BMPR1B: variants seen among roughly 807,000 people sequenced by gnomAD.
BMPR1B encodes bone morphogenetic protein receptor type-1B.
A neutral mutation model predicts 59.1 loss-of-function variants in BMPR1B; 12 were observed. The ratio of observed to expected loss-of-function variants is 0.20; its 90% CI spans 0.13 to 0.33. The LOEUF is 0.33. Among genes scored for constraint, BMPR1B ranks in the 10% least tolerant of loss-of-function variants. The pLI is 1.00. For synonymous variants in BMPR1B, 237 were observed against 207.3 expected (o/e 1.14, Z -1.23); for missense variants, 550 against 610.9 (o/e 0.90, Z 1.05).
intron 1 of BMPR1B, among the ~76,000 whole-genome samples, chr4:94,857,454 C>G (rs1725803508): frequency 6.6e-6 from 1 of 152,096 alleles, no homozygotes; most frequent in Admixed American, 6.6e-5. Context: ...TGGAAAAAAT[C>G]TAGTGGACTA....
At position 95,092,214 on chromosome 4, in the gene BMPR1B, T is replaced by C. The variant is rs958959636; in HGVS notation, c.-17-12194T>C. 4.6e-5 allele frequency among the ~76,000 whole-genome samples: 7 copies of C among 152,138 alleles called. No homozygotes were observed. In the East Asian group the frequency reaches 1.3e-3, roughly 29 times the overall value. ...TATAGTTGCTAAGATATTTATTTTTTACCAGGAAGGATATAAATTGTTTTG... is the reference window on the plus strand; with the variant it reads ...TATAGTTGCTAAGATATTTATTTTTCACCAGGAAGGATATAAATTGTTTTG... On this transcript the variant is annotated intron_variant, in intron 3 of 12. Coordinates refer to ENST00000515059, the MANE Select transcript of BMPR1B (RefSeq NM_001203.3).
intron 3 of BMPR1B, among the ~76,000 whole-genome samples, chr4:95,035,833 G>A (rs1282526117): frequency 6.6e-6 from 1 of 151,954 alleles, no homozygotes; most frequent in Non-Finnish European, 1.5e-5. Context: ...GATGATATTT[G>A]GATGGGAATT....
intron 1 of BMPR1B, among the ~76,000 whole-genome samples, chr4:94,762,535 G>T (rs1355964096): frequency 6.6e-6 from 1 of 152,174 alleles, no homozygotes; most frequent in Non-Finnish European, 1.5e-5. Flanking sequence ...CACTGGCCAG[G>T]GAGGCTGGAC....
At chr4:94,956,866 C>G (rs1031597108) in intron 2 of BMPR1B, among the ~76,000 whole-genome samples, 6 of 151,754 alleles carry the variant, frequency 4.0e-5, no homozygotes, top group African/African-American at 1.5e-4. Flanking sequence ...ACATCTTTTT[C>G]TAATGGGCTT....
intron 10 of BMPR1B, among the ~76,000 whole-genome samples, chr4:95,136,166 C>T (rs1483681170): frequency 1.3e-5 from 2 of 151,830 alleles, no homozygotes; most frequent in African/African-American, 2.4e-5. Context: ...AGCCTACCAA[C>T]CAAAAAAAGT....
At chr4:94,985,133 G>A (rs1560580350) in intron 2 of BMPR1B, among the ~76,000 whole-genome samples, 1 of 152,084 alleles carries the variant, frequency 6.6e-6, no homozygotes, top group African/African-American at 2.4e-5. Flanking sequence ...ACAGGGCAAG[G>A]TCAAGGTGGT....
At chr4:95,134,937 A>T (rs1273385192) in intron 10 of BMPR1B, among the ~76,000 whole-genome samples, 2 of 152,144 alleles carry the variant, frequency 1.3e-5, no homozygotes, top group Non-Finnish European at 2.9e-5. Flanking sequence ...GTCCTTGCCC[A>T]TGCCTGTGTC....
rs556518509 is a variant in BMPR1B, at chr4:94,768,428, A to T, written c.-183+10360A>T. ...CAATCCGACTATCAGAATTGCAGCGATTTTCCCCCTAAATCCTAACAATAT... is the reference window on the plus strand; with the variant it reads ...CAATCCGACTATCAGAATTGCAGCGTTTTTCCCCCTAAATCCTAACAATAT... On this transcript the variant is annotated intron_variant, in intron 1 of 12. Transcript: ENST00000515059. Among the ~76,000 whole-genome samples, 85 of 152,216 alleles carry T rather than the reference A, an allele frequency of 5.6e-4. 1 individual carries two copies. The South Asian group carries it at 7.5e-3, about 13-fold the overall frequency.
At chr4:94,960,417 C>T (rs543455305) in intron 2 of BMPR1B, among the ~76,000 whole-genome samples, 22 of 152,136 alleles carry the variant, frequency 1.4e-4, no homozygotes, top group South Asian at 6.2e-4. Context: ...ATGGTACCAT[C>T]GGTTTCTTAT....
chr4:95,152,376 A>T (rs931808095), intron 11 of BMPR1B, among the ~76,000 whole-genome samples: 8 of 152,202 alleles, frequency 5.3e-5, no homozygotes, highest in African/African-American at 1.9e-4. Flanking sequence ...TAAATTTAAG[A>T]TGCTTGTTTT....
At chr4:94,905,500 C>A (rs1045670845) in intron 2 of BMPR1B, among the ~76,000 whole-genome samples, 1 of 151,520 alleles carries the variant, frequency 6.6e-6, no homozygotes, top group African/African-American at 2.4e-5. Flanking sequence ...TATTTTCTGT[C>A]AAGTTGAGTT....
At chr4:94,910,095 G>A (rs1287311451) in intron 2 of BMPR1B, among the ~76,000 whole-genome samples, 1 of 152,010 alleles carries the variant, frequency 6.6e-6, no homozygotes, top group African/African-American at 2.4e-5. Context: ...GATACGTAAA[G>A]TTAGTTTAAA....
chr4:94,933,067 T>C (rs1304139553), intron 2 of BMPR1B, among the ~76,000 whole-genome samples: 1 of 152,128 alleles, frequency 6.6e-6, no homozygotes, highest in Non-Finnish European at 1.5e-5. Context: ...TTCTTTTTCT[T>C]TGAGTGTGCA....
intron 2 of BMPR1B, among the ~76,000 whole-genome samples, chr4:94,972,382 G>A (rs1467022845): frequency 2.6e-5 from 4 of 151,828 alleles, no homozygotes; most frequent in African/African-American, 9.7e-5. Flanking sequence ...CACTATAAGG[G>A]AAAAATGAAA....
At chr4:94,890,643 C>T (rs1455750461) in intron 2 of BMPR1B, among the ~76,000 whole-genome samples, 1 of 151,970 alleles carries the variant, frequency 6.6e-6, no homozygotes, top group African/African-American at 2.4e-5. Flanking sequence ...GGAAGCTGAA[C>T]GTTTAAAATC....
chr4:94,762,129 G>T (rs1401081739), intron 1 of BMPR1B, among the ~76,000 whole-genome samples: 1 of 152,074 alleles, frequency 6.6e-6, no homozygotes, highest in Non-Finnish European at 1.5e-5. Flanking sequence ...TGATGTTCAG[G>T]ACATCCACTT....
At chr4:95,031,374 C>T (rs1724842198) in intron 3 of BMPR1B, among the ~76,000 whole-genome samples, 1 of 152,148 alleles carries the variant, frequency 6.6e-6, no homozygotes, top group South Asian at 2.1e-4. Context: ...TGAGGTGGAA[C>T]TTGAGAATTA....
intron 2 of BMPR1B, among the ~76,000 whole-genome samples, chr4:94,978,186 A>G (rs1000935786): frequency 2.6e-5 from 4 of 152,222 alleles, no homozygotes; most frequent in African/African-American, 4.8e-5. Flanking sequence ...TTCTGCTATC[A>G]AAGTATGTTC....
chr4:94,986,370 T>G (rs1302527459), intron 2 of BMPR1B, among the ~76,000 whole-genome samples: 1 of 152,176 alleles, frequency 6.6e-6, no homozygotes, highest in Non-Finnish European at 1.5e-5. Flanking sequence ...CAGAGTACAT[T>G]CCTGTCAGTT....
Sources: gnomAD v4.1 joint callset for allele counts (sites outside exome capture counted in the v4.1 genomes callset) on GRCh38, gnomAD v4.1.1 for gene constraint, MANE v1.5 for transcripts, NCBI Gene and HGNC (gene_info 2026-07-23, HGNC 2026-07-21) for gene names.